Variants in ESRRG observed in about 807,000 individuals in gnomAD.
ESRRG encodes the protein estrogen related receptor gamma.
Under a neutral mutation model 44.0 loss-of-function variants are expected in ESRRG, and 13 were observed. The ratio of observed to expected loss-of-function variants is 0.30; its 90% CI spans 0.19 to 0.47. The LOEUF is 0.47. Ranked by LOEUF, ESRRG falls within the 20% of genes least tolerant of loss-of-function variation. ESRRG has a pLI of 1.00. For synonymous variants in ESRRG, 215 were observed against 214.6 expected (o/e 1.00, Z -0.02); for missense variants, 395 against 580.6 (o/e 0.68, Z 3.29).
chr1:217,125,609 T>C (rs1190038841), intron 1 of ESRRG, among the ~76,000 whole-genome samples: 2 of 152,192 alleles, frequency 1.3e-5, no homozygotes, highest in African/African-American at 4.8e-5. Context: ...GAATATTGTA[T>C]GGAAGTAGGG....
chr1:216,554,376 C>T (rs1314056735), intron 5 of ESRRG, among the ~76,000 whole-genome samples: 1 of 151,908 alleles, frequency 6.6e-6, no homozygotes, highest in East Asian at 1.9e-4. Context: ...ATCCTTTGAA[C>T]CCAGGAGGTG....
intron 1 of ESRRG, among the ~76,000 whole-genome samples, chr1:217,042,713 T>C (rs1160701910): frequency 1.3e-5 from 2 of 151,892 alleles, no homozygotes; most frequent in Non-Finnish European, 2.9e-5. Context: ...CGAGCTAAAA[T>C]TAGAAACCCA....
chr1:216,608,272 C>A (rs912985058), intron 3 of ESRRG, among the ~76,000 whole-genome samples: 1 of 152,172 alleles, frequency 6.6e-6, no homozygotes, highest in East Asian at 1.9e-4. Flanking sequence ...TTTGTCATGA[C>A]TGTAGATTCT....
At chr1:216,688,924 A>G (rs1320852336) in intron 1 of ESRRG, among the ~76,000 whole-genome samples, 2 of 152,116 alleles carry the variant, frequency 1.3e-5, no homozygotes, top group Admixed American at 6.5e-5. Flanking sequence ...AACCTAGGAG[A>G]AATAGAAATG....
intron 1 of ESRRG, among the ~76,000 whole-genome samples, chr1:217,051,214 G>GGGGA (rs1553259362): frequency 6.9e-5 from 8 of 116,066 alleles, no homozygotes; most frequent in African/African-American, 2.7e-4. Flanking sequence ...CGGGGGGGGG[G>GGGGA]GGTGCCAGGG....
intron 3 of ESRRG, among the ~76,000 whole-genome samples, chr1:216,570,289 TCA>T (rs2060536834): frequency 1.3e-5 from 2 of 152,200 alleles, no homozygotes. Flanking sequence ...TATTAAGCAT[TCA>T]CTGAAAATTG....
Position 216,977,723 on chromosome 1 carries a change from T to A in ESRRG, c.-105-38050A>T, listed in dbSNP as rs147557718. On this transcript the variant is annotated intron_variant, in intron 1 of 7. Coordinates refer to the ESRRG transcript ENST00000359162. ...GAATAATTAACCAGCTGGGTTGCTG[T>A]GGTTTGAATGTCCCCACCAAAACTC... Among the ~76,000 whole-genome samples, 744 of 152,218 alleles carry A rather than the reference T, an allele frequency of 4.9e-3. 6 individuals are homozygous for A. Among genetic ancestry groups the A allele is most frequent in the Middle Eastern group, 0.024 (7 of 292 alleles).
intron 3 of ESRRG, among the ~76,000 whole-genome samples, chr1:216,592,784 G>A (rs1162330243): frequency 6.6e-6 from 1 of 152,152 alleles, no homozygotes; most frequent in Non-Finnish European, 1.5e-5. Flanking sequence ...ACAGGCGTGA[G>A]CCACCACACC....
intron 2 of ESRRG, among the ~76,000 whole-genome samples, chr1:216,734,893 A>C (rs1012255433): frequency 1.1e-4 from 16 of 146,708 alleles, no homozygotes; most frequent in African/African-American, 4.0e-4. Context: ...GCTACTACAT[A>C]GTTCCATATT....
At chr1:217,054,749 G>A (rs1207842894) in intron 1 of ESRRG, among the ~76,000 whole-genome samples, 1 of 151,806 alleles carries the variant, frequency 6.6e-6, no homozygotes, top group Non-Finnish European at 1.5e-5. Context: ...AGACATAGGA[G>A]GTGAAGAAAG....
intron 2 of ESRRG, among the ~76,000 whole-genome samples, chr1:216,808,653 G>T (rs775394799): frequency 6.6e-6 from 1 of 151,960 alleles, no homozygotes; most frequent in Non-Finnish European, 1.5e-5. Context: ...TGAACTCCTG[G>T]GCTCAAGCTA....
chr1:216,584,503 A>C (rs1024380320), intron 3 of ESRRG, among the ~76,000 whole-genome samples: 77 of 151,970 alleles, frequency 5.1e-4, no homozygotes. Flanking sequence ...TGATCCACCC[A>C]CCTCGGCCTC....
In ESRRG at chr1:216,567,904, G is replaced by T. The variant is rs933542774; in HGVS notation, c.700+84C>A. 4 of 834,306 alleles carry T rather than the reference G, an allele frequency of 4.8e-6. No homozygotes were observed. In the East Asian group the frequency reaches 9.8e-5, roughly 21 times the overall value. 51.7% of individuals were successfully genotyped at this position (834,306 alleles called of 1,614,324 possible). On this transcript the variant is annotated intron_variant, in intron 4 of 6. Transcript: ENST00000408911. ...GAGAAGTCTCCTTGGAGTCAGTAGGGATGGGCATGCCAAAGCTGATGTACA... is the reference window on the plus strand; with the variant it reads ...GAGAAGTCTCCTTGGAGTCAGTAGGTATGGGCATGCCAAAGCTGATGTACA...
Position 216,956,156 on chromosome 1 carries a change from A to T in ESRRG, c.-105-16483T>A, listed in dbSNP as rs564941803. ...AAGAGTTTCCTGTATGTTTTTTTCT[A>T]GTAGTTTATAGTTTCAGGTCTTCCA... On this transcript the variant is annotated intron_variant, in intron 1 of 7. Transcript: ENST00000359162. 7.8e-4 allele frequency among the ~76,000 whole-genome samples: 119 copies of T among 152,114 alleles called. 3 individuals are homozygous for T. In the South Asian group the frequency reaches 0.023, roughly 30 times the overall value.
intron 3 of ESRRG, among the ~76,000 whole-genome samples, chr1:216,610,470 A>T (rs986371003): frequency 6.6e-6 from 1 of 152,172 alleles, no homozygotes; most frequent in Non-Finnish European, 1.5e-5. Flanking sequence ...TAGCGTGATA[A>T]GACCATCTTA....
chr1:217,058,548 A>G (rs2087649034), intron 1 of ESRRG, among the ~76,000 whole-genome samples: 2 of 152,160 alleles, frequency 1.3e-5, no homozygotes, highest in South Asian at 2.1e-4. Context: ...TGACGTCTCT[A>G]TGCTCTGACA....
In ESRRG at chr1:216,867,479, C is replaced by G. The variant is rs560174713; in HGVS notation, c.-14+72103G>C. ...GTAAATGAATAGTGAAACAAATTTGCGTAGGGGATATTTAACTACTTAAGA... is the reference window on the plus strand; with the variant it reads ...GTAAATGAATAGTGAAACAAATTTGGGTAGGGGATATTTAACTACTTAAGA... On this transcript the variant is annotated intron_variant, in intron 2 of 7. Transcript: ENST00000359162. Among the ~76,000 whole-genome samples the G allele has an allele frequency of 5.9e-5, 9 of 152,128 alleles. No individual in the cohort carries two copies. In the East Asian group the frequency reaches 1.2e-3, roughly 20 times the overall value.
intron 2 of ESRRG, chr1:216,936,781 T>G (rs1452152854): frequency 6.6e-6 from 1 of 152,022 alleles, no homozygotes; most frequent in Non-Finnish European, 1.5e-5. Flanking sequence ...CATGTAAATT[T>G]TGGCTTATAT....
At chr1:216,806,563 T>C (rs1315686834) in intron 2 of ESRRG, among the ~76,000 whole-genome samples, 1 of 152,218 alleles carries the variant, frequency 6.6e-6, no homozygotes, top group East Asian at 1.9e-4. Context: ...TAGAAAATTT[T>C]AATTCCACTA....
Sources: gnomAD v4.1 joint callset for allele counts (sites outside exome capture counted in the v4.1 genomes callset) on GRCh38, gnomAD v4.1.1 for gene constraint, MANE v1.5 for transcripts, NCBI Gene and HGNC (gene_info 2026-07-23, HGNC 2026-07-21) for gene names.